Variants in BARHL1 observed in about 807,000 individuals in gnomAD.
The protein encoded by BARHL1 is BarH like homeobox 1.
Under a neutral mutation model 20.1 loss-of-function variants are expected in BARHL1, and 2 were observed. The ratio of observed to expected loss-of-function variants is 0.10; its 90% confidence interval spans 0.04 to 0.31. BARHL1 has a LOEUF of 0.31. Ranked by LOEUF, BARHL1 falls within the 10% of genes least tolerant of loss-of-function variation. The probability of loss-of-function intolerance (pLI) is 1.00; values close to 1 mark genes in which losing one functional copy is unlikely to be tolerated. For synonymous variants in BARHL1, 213 were observed against 209.9 expected (o/e 1.01, Z -0.13); for missense variants, 397 against 454.0 (o/e 0.87, Z 1.14).
At chr9:132,588,700 G>T (rs1192497833) in intron 2 of BARHL1, among the ~76,000 whole-genome samples, 1 of 152,116 alleles carries the variant, frequency 6.6e-6, no homozygotes, top group Non-Finnish European at 1.5e-5. Context: ...CCGGGAGCGG[G>T]TCCTCTCCGG....
intron 1 of BARHL1, among the ~76,000 whole-genome samples, chr9:132,585,551 G>A (rs1318902619): frequency 6.6e-6 from 1 of 152,238 alleles, no homozygotes; most frequent in Non-Finnish European, 1.5e-5. Context: ...AAGGTCCAGG[G>A]AGAACCCAAA....
Position 132,587,293 on chromosome 9 carries a change from G to C in BARHL1, c.467-36G>C. The C allele has an allele frequency of 6.5e-7, 1 of 1,546,340 alleles. No homozygotes were observed. The highest frequency in any genetic ancestry group is 8.7e-7 in the Non-Finnish European group (1 of 1,144,476). On this transcript the variant is annotated intron_variant, in intron 1 of 2. Transcript: ENST00000263610. This position sits in a 1 kb window ranked among gnomAD's most constrained non-coding sequence, Gnocchi z 5.5. ...GAGCGGGAGGGCACCGGCGGCGGCTGCGAGGCCGGGCCCTGACATGCCGCT... is the reference window on the plus strand; with the variant it reads ...GAGCGGGAGGGCACCGGCGGCGGCTCCGAGGCCGGGCCCTGACATGCCGCT...
At position 132,589,560 on chromosome 9, in the gene BARHL1, G is replaced by T; in HGVS notation, c.*38G>T. The T allele has an allele frequency of 8.0e-7, 1 of 1,253,046 alleles. No homozygotes were observed. Among genetic ancestry groups the T allele is most frequent in the South Asian group, 3.5e-5 (1 of 28,580 alleles). The allele number at this position is 1,253,046 out of a possible 1,614,324, so 77.6% of individuals were successfully genotyped here. A position where few individuals can be genotyped will look rare whatever the true frequency, so the allele number is the denominator to read the frequency against. The stretch of plus-strand genomic sequence containing the variant: ...CTCCGGGGCCTCCTCCCGCGGGCTC[G>T]GCGTGGCCCCTTCCGCCCGCCTTTC... On this transcript the variant is annotated 3_prime_UTR_variant, in exon 3 of 3. Coordinates refer to ENST00000263610, the MANE Select transcript of BARHL1 (RefSeq NM_020064.4).
Position 132,589,284 on chromosome 9 carries a change from A to G in BARHL1, c.746A>G (p.Asn249Ser), listed in dbSNP as rs1237180800. The change falls in exon 3 of 3, where the codon AAT becomes AGT. Residue 249 changes from asparagine (N) to serine (S), a missense_variant. By Grantham distance (46) the Asn-to-Ser change is conservative. This residue lies in a region of BARHL1 where 121 missense variants were observed against 135.9 expected (regional missense o/e 0.89). Coordinates refer to ENST00000263610, the MANE Select transcript of BARHL1 (RefSeq NM_020064.4). ...TTGGAGCTGCTGGCGGAGGCAGGCA[A>G]TTACTCAGCGCTCCAGCGGATGTTC... Reference protein sequence around the residue: ...VGLELLAEAGNYSALQRMFPS... With the variant: ...VGLELLAEAGSYSALQRMFPS... 1 of 1,613,300 alleles carries G rather than the reference A, an allele frequency of 6.2e-7. No homozygotes were observed. The highest frequency in any genetic ancestry group is 2.2e-5 in the East Asian group (1 of 44,854).
At chr9:132,586,624 G>A (rs1371495875) in intron 1 of BARHL1, among the ~76,000 whole-genome samples, 5 of 152,236 alleles carry the variant, frequency 3.3e-5, no homozygotes, top group Non-Finnish European at 7.3e-5. Flanking sequence ...TGGGCAATGC[G>A]CGCTGCGCCC....
chr9:132,582,985 C>T lies in BARHL1; in HGVS notation c.188C>T (p.Thr63Ile), dbSNP rs111444940. Residue 63 changes from threonine (T) to isoleucine (I), a missense_variant, in exon 1 of 3, where the codon ACC becomes ATC. Around this residue, in one of 3 missense-constraint regions of BARHL1, gnomAD observed 272 missense variants for 298.7 expected, o/e 0.91. Transcript: ENST00000263610. ...SPGRDCLETGTPRPGGASGPG... is the reference protein window; with the variant it reads ...SPGRDCLETGIPRPGGASGPG... ...GGAAGGGACTGTTTGGAGACGGGGA[C>T]CCCACGGCCTGGCGGGGCATCCGGC... 6.2e-7 allele frequency: 1 copy of T among 1,613,818 alleles called. No homozygotes were observed. Among genetic ancestry groups the T allele is most frequent in the African/African-American group, 1.3e-5 (1 of 75,066 alleles).
rs1388916076 is a variant in BARHL1, at chr9:132,589,452, G to A, written c.914G>A (p.Gly305Asp). The change falls in exon 3 of 3, where the codon GGC (glycine) becomes GAC (aspartate). Residue 305 changes from glycine (G) to aspartate (D), a missense_variant. This residue lies in a region of BARHL1 where 121 missense variants were observed against 135.9 expected (regional missense o/e 0.89). Coordinates refer to ENST00000263610, the MANE Select transcript of BARHL1 (RefSeq NM_020064.4). ...CGCATCCTCATCCACGGACTCCAGG[G>A]CGCCAGCGAGCCGCCCCCGCCGCTG... ...VPRILIHGLQ[G>D]ASEPPPPLPP... 6.5e-7 allele frequency: 1 copy of A among 1,537,176 alleles called. No individual in the cohort carries two copies. Among genetic ancestry groups the A allele is most frequent in the Non-Finnish European group, 8.7e-7 (1 of 1,147,176 alleles).
In BARHL1 at chr9:132,582,918, C is replaced by A; in HGVS notation, c.121C>A (p.Arg41Ser). The A allele has an allele frequency of 6.2e-7, 1 of 1,613,582 alleles. No homozygotes were observed. The highest frequency in any genetic ancestry group is 8.5e-7 in the Non-Finnish European group (1 of 1,179,958). The change falls in exon 1 of 3, where the codon CGC (arginine) becomes AGC (serine). Residue 41 changes from arginine (R) to serine (S), a missense_variant. Physicochemically the swap from Arg to Ser is moderately radical, Grantham distance 110 (BLOSUM62 -1). Transcript: ENST00000263610. The stretch of plus-strand genomic sequence containing the variant: ...CCGTTCGCCCCTGGAGCTGAGTCCA[C>A]GCTCAGAGAGCAGCAGCGACTGCTC... ...DCRSPLELSP[R>S]SESSSDCSSP...
chr9:132,585,012 T>A (rs1014389506), intron 1 of BARHL1, among the ~76,000 whole-genome samples: 1 of 152,252 alleles, frequency 6.6e-6, no homozygotes, highest in African/African-American at 2.4e-5. Context: ...GAACTGGAGA[T>A]AGTGAGGCCC....
intron 2 of BARHL1, among the ~76,000 whole-genome samples, chr9:132,589,001 T>A (rs1370666052): frequency 6.6e-6 from 1 of 152,146 alleles, no homozygotes; most frequent in Non-Finnish European, 1.5e-5. Context: ...GACCTCAGTT[T>A]TCCTCTCTGT....
Position 132,587,420 on chromosome 9 carries a change from C to G in BARHL1, c.558C>G (p.Thr186=). 1 of 1,612,662 alleles carries G rather than the reference C, an allele frequency of 6.2e-7. No individual in the cohort carries two copies. Among genetic ancestry groups the G allele is most frequent in the East Asian group, 2.2e-5 (1 of 44,838 alleles). Residue 186 remains threonine, a synonymous_variant, in exon 2 of 3, where the codon ACC becomes ACG. Transcript: ENST00000263610. The surrounding 1 kb of genome is among the most constrained non-coding windows in gnomAD (Gnocchi z 5.5). ...CACGCAAGGCGCGCACGGCCTTCAC[C>G]GACCATCAGCTGGCGCAGCTGGAGC... The part of the protein sequence containing the change: ...KKPRKARTAF[T]DHQLAQLERS...
chr9:132,589,136 T>C, intron 2 of BARHL1, 92 bp from the exon 3 acceptor site: 2 of 1,511,722 alleles, frequency 1.3e-6, no homozygotes, highest in Non-Finnish European at 8.8e-7. Flanking sequence ...TTGGCCTCCC[T>C]ACAGGCTCTC....
chr9:132,587,218 C>A lies in BARHL1; in HGVS notation c.467-111C>A. On this transcript the variant is annotated intron_variant, in intron 1 of 2. Coordinates refer to ENST00000263610, the MANE Select transcript of BARHL1 (RefSeq NM_020064.4). The surrounding 1 kb of genome is among the most constrained non-coding windows in gnomAD (Gnocchi z 5.5). ...GAGCGGCCCCCGCGAGCTTGGGTGT[C>A]GCGGAACCACCGCTGTCGGAAGCCG... 9.2e-7 allele frequency: 1 copy of A among 1,085,388 alleles called. No individual in the cohort carries two copies. Among genetic ancestry groups the A allele is most frequent in the South Asian group, 1.5e-5 (1 of 65,854 alleles). The allele number at this position is 1,085,388 out of a possible 1,614,324, so 67.2% of individuals were successfully genotyped here.
chr9:132,589,519 GTGAGGCGCCCGTCGGCTCCGGGGC>G lies in BARHL1; in HGVS notation c.982_*21del. 1 of 1,324,992 alleles carries G rather than the reference GTGAGGCGCCCGTCGGCTCCGGGGC, an allele frequency of 7.5e-7. No individual in the cohort carries two copies. The highest frequency in any genetic ancestry group is 9.6e-7 in the Non-Finnish European group (1 of 1,041,298). 82.1% of individuals were successfully genotyped at this position (1,324,992 alleles called of 1,614,324 possible). On this transcript the variant is annotated stop_lost and 3_prime_UTR_variant, in exon 3 of 3. Transcript: ENST00000263610. The stretch of plus-strand genomic sequence containing the variant: ...TCCTCCCACGCGCCGCGCAGCCTCG[GTGAGGCGCCCGTCGGCTCCGGGGC>G]CTCCTCCCGCGGGCTCGGCGTGGCC...
In BARHL1 at chr9:132,589,391, G is replaced by C; in HGVS notation, c.853G>C (p.Ala285Pro). Residue 285 changes from alanine to proline, a missense_variant, in exon 3 of 3, where the codon GCG becomes CCG. Physicochemically the swap from Ala to Pro is conservative, Grantham distance 27. Transcript: ENST00000263610. Reference sequence around the variant, plus strand: ...GCTCTACCTGTACCGCGGCCCCAGCGCGCCGCCGCCTGCTCTCCAGAGACC... The same window carrying C: ...GCTCTACCTGTACCGCGGCCCCAGCCCGCCGCCGCCTGCTCTCCAGAGACC... ...AALYLYRGPS[A>P]PPPALQRPLV... The C allele has an allele frequency of 6.2e-7, 1 of 1,612,506 alleles. No homozygotes were observed. The highest frequency in any genetic ancestry group is 8.5e-7 in the Non-Finnish European group (1 of 1,179,704).
In BARHL1 at chr9:132,589,960, CG is replaced by C. The variant is rs2119137777; in HGVS notation, c.*440del. On this transcript the variant is annotated 3_prime_UTR_variant, in exon 3 of 3. Coordinates refer to ENST00000263610, the MANE Select transcript of BARHL1 (RefSeq NM_020064.4). ...CCCCGCCAGGGAGAGAAGGGGAGTG[CG>C]GAGCCCCGTCTCCCTACCCCTCGAG... 6.1e-6 allele frequency: 1 copy of C among 164,260 alleles called. No homozygotes were observed. The highest frequency in any genetic ancestry group is 1.8e-4 in the East Asian group (1 of 5,670). The allele number at this position is 164,260 out of a possible 1,614,324, so 10.2% of individuals were successfully genotyped here. A position where few individuals can be genotyped will look rare whatever the true frequency, so the allele number is the denominator to read the frequency against.
In BARHL1 at chr9:132,587,465, G is replaced by A. The variant is rs749058927; in HGVS notation, c.603G>A (p.Lys201=). The A allele has an allele frequency of 2.5e-6, 4 of 1,612,518 alleles. No homozygotes were observed. Among genetic ancestry groups the A allele is most frequent in the Non-Finnish European group, 3.4e-6 (4 of 1,179,632 alleles). ...TGGAGCGCAGCTTCGAGCGGCAGAA[G>A]TACCTGAGCGTGCAGGACCGCATGG... ...AQLERSFERQ[K]YLSVQDRMEL... Residue 201 remains lysine, a synonymous_variant, in exon 2 of 3, where the codon AAG becomes AAA. Transcript: ENST00000263610. The surrounding 1 kb of genome is among the most constrained non-coding windows in gnomAD (Gnocchi z 5.5).
In BARHL1 at chr9:132,587,355, T is replaced by C; in HGVS notation, c.493T>C (p.Ser165Pro). 6.2e-7 allele frequency: 1 copy of C among 1,609,434 alleles called. No homozygotes were observed. The highest frequency in any genetic ancestry group is 1.3e-5 in the African/African-American group (1 of 75,004). ...KVKEEGDREI[S>P]SSRDSPPVRL... ...GAAGGAGGAGGGCGACCGCGAGATC[T>C]CCAGCTCCAGGGACAGTCCCCCGGT... The change falls in exon 2 of 3, where the codon TCC becomes CCC. Residue 165 changes from serine (S) to proline (P), a missense_variant. Coordinates refer to ENST00000263610, the MANE Select transcript of BARHL1 (RefSeq NM_020064.4). The surrounding 1 kb of genome is among the most constrained non-coding windows in gnomAD (Gnocchi z 5.5).
At position 132,589,344 on chromosome 9, in the gene BARHL1, C is replaced by T; in HGVS notation, c.806C>T (p.Ser269Phe). Residue 269 changes from serine to phenylalanine, a missense_variant, in exon 3 of 3, where the codon TCC (serine) becomes TTC (phenylalanine). Physicochemically the swap from Ser to Phe is radical, Grantham distance 155 (BLOSUM62 -2). Transcript: ENST00000263610. ...SPYFYPQSLV[S>F]NLDPGAALYL... ...TATTTCTACCCGCAGAGTCTGGTTTCCAACCTGGACCCCGGCGCGGCGCTC... is the reference window on the plus strand; with the variant it reads ...TATTTCTACCCGCAGAGTCTGGTTTTCAACCTGGACCCCGGCGCGGCGCTC... 1 of 1,613,520 alleles carries T rather than the reference C, an allele frequency of 6.2e-7. No individual in the cohort carries two copies. The highest frequency in any genetic ancestry group is 8.5e-7 in the Non-Finnish European group (1 of 1,179,982).
Sources: allele counts gnomAD v4.1 joint callset (sites outside exome capture counted in the v4.1 genomes callset), GRCh38; gene constraint gnomAD v4.1.1; regional missense constraint gnomAD v4.1.1; non-coding constraint Gnocchi (gnomAD v3.1); transcripts MANE v1.5; gene names NCBI Gene and HGNC (gene_info 2026-07-23, HGNC 2026-07-21).